Variants in CDH12 observed in about 807,000 individuals in gnomAD.
CDH12 encodes the protein cadherin-12.
Under a neutral mutation model 74.1 loss-of-function variants are expected in CDH12, and 41 were observed. The observed-to-expected ratio is 0.55, with a 90% CI of 0.43 to 0.72. CDH12 has a LOEUF of 0.72. Ranked by LOEUF, CDH12 falls within the 30% of genes least tolerant of loss-of-function variation. The probability of loss-of-function intolerance (pLI) is 0.00; values close to 1 mark genes in which losing one functional copy is unlikely to be tolerated. For synonymous variants in CDH12, 399 were observed against 355.0 expected (o/e 1.12, Z -1.39); for missense variants, 945 against 977.2 (o/e 0.97, Z 0.44).
intron 1 of CDH12, among the ~76,000 whole-genome samples, chr5:22,737,424 C>CT (rs1473920385): frequency 2.6e-5 from 4 of 151,828 alleles, no homozygotes; most frequent in African/African-American, 7.3e-5. Context: ...TTCAGAAACA[C>CT]TTTTTTTAGC....
At chr5:21,752,378 A>G (rs1279447722) in intron 14 of CDH12, 142 bp from the exon 15 acceptor site, 1 of 671,424 alleles carries the variant, frequency 1.5e-6, no homozygotes, top group East Asian at 2.7e-5. Context: ...ACCATAATCA[A>G]TAGGATCATA....
At chr5:22,386,791 G>A (rs1742019192) in intron 3 of CDH12, among the ~76,000 whole-genome samples, 1 of 151,692 alleles carries the variant, frequency 6.6e-6, no homozygotes, top group South Asian at 2.1e-4. Flanking sequence ...ATGATGATAG[G>A]TTATATTTTA....
chr5:22,433,729 G>T (rs529634719), intron 2 of CDH12, among the ~76,000 whole-genome samples: 1 of 152,108 alleles, frequency 6.6e-6, no homozygotes, highest in Non-Finnish European at 1.5e-5. Flanking sequence ...AGAAAGCTCA[G>T]TACTTACAAG....
At chr5:21,880,647 CTT>C (rs1752279119) in intron 6 of CDH12, among the ~76,000 whole-genome samples, 1 of 119,804 alleles carries the variant, frequency 8.3e-6, no homozygotes, top group Non-Finnish European at 1.7e-5. Flanking sequence ...TTCTTTCTTT[CTT>C]TCTTTCTTTC....
intron 6 of CDH12, among the ~76,000 whole-genome samples, chr5:21,885,644 TC>T (rs1283767650): frequency 2.6e-5 from 4 of 152,188 alleles, no homozygotes; most frequent in African/African-American, 9.6e-5. Flanking sequence ...AAAAATATCT[TC>T]ATAGGACTTT....
chr5:22,611,062 A>C (rs1219283892), intron 1 of CDH12, among the ~76,000 whole-genome samples: 6 of 152,138 alleles, frequency 3.9e-5, no homozygotes, highest in Admixed American at 3.9e-4. Flanking sequence ...GCATATCATC[A>C]CTGGAATTTT....
chr5:22,102,662 C>T (rs1377078548), intron 4 of CDH12, among the ~76,000 whole-genome samples: 1 of 148,696 alleles, frequency 6.7e-6, no homozygotes, highest in East Asian at 2.0e-4. Context: ...ACTCCGTCTC[C>T]AATAAATAAA....
intron 1 of CDH12, among the ~76,000 whole-genome samples, chr5:22,539,242 T>G (rs772841183): frequency 3.6e-4 from 54 of 151,938 alleles, no homozygotes; most frequent in Non-Finnish European, 5.9e-4. Flanking sequence ...AATGGGTGAG[T>G]GAATAGAACA....
intron 4 of CDH12, among the ~76,000 whole-genome samples, chr5:22,104,034 C>CTGGTGAGG (rs1224873714): frequency 6.6e-6 from 1 of 152,090 alleles, no homozygotes; most frequent in East Asian, 1.9e-4. Flanking sequence ...GCAACAGTCT[C>CTGGTGAGG]TGGTGAGGCT....
chr5:22,494,278 T>C (rs1399926999), intron 2 of CDH12, among the ~76,000 whole-genome samples: 1 of 152,166 alleles, frequency 6.6e-6, no homozygotes, highest in Non-Finnish European at 1.5e-5. Context: ...CCCAAAGCTG[T>C]GCACATTAGG....
intron 5 of CDH12, among the ~76,000 whole-genome samples, chr5:22,012,624 G>GA (rs1415426330): frequency 2.0e-5 from 3 of 151,972 alleles, no homozygotes; most frequent in African/African-American, 7.2e-5. Flanking sequence ...AAGTGTGAAA[G>GA]ATGTTTTTTA....
At position 21,765,029 on chromosome 5, in the gene CDH12, T is replaced by A. The variant is rs748556846; in HGVS notation, c.1464A>T (p.Glu488Asp). ...NVLDVNEFPPEISVPYETAVC... is the reference protein window; with the variant it reads ...NVLDVNEFPPDISVPYETAVC... ...CGGCTGTCTCATATGGCACAGATATTTCTGGAGGAAATTCATTTACATCTA... is the reference window on the plus strand; with the variant it reads ...CGGCTGTCTCATATGGCACAGATATATCTGGAGGAAATTCATTTACATCTA... The change falls in exon 12 of 15, where the codon GAA becomes GAT. Residue 488 changes from glutamate to aspartate, a missense_variant. By Grantham distance (45) the Glu-to-Asp change is conservative (BLOSUM62 2). Around this residue, in one of 3 missense-constraint regions of CDH12, gnomAD observed 791 missense variants for 792.8 expected, o/e 1.00. Transcript: ENST00000382254. 1 of 1,612,916 alleles carries A rather than the reference T, an allele frequency of 6.2e-7. No homozygotes were observed. Among genetic ancestry groups the A allele is most frequent in the East Asian group, 2.2e-5 (1 of 44,808 alleles).
intron 1 of CDH12, among the ~76,000 whole-genome samples, chr5:22,820,564 C>T (rs1365988274): frequency 6.6e-6 from 1 of 152,100 alleles, no homozygotes; most frequent in South Asian, 2.1e-4. Context: ...CACCACCGAT[C>T]CCACAGAAAT....
At chr5:22,374,163 A>C (rs1741419698) in intron 3 of CDH12, among the ~76,000 whole-genome samples, 1 of 152,198 alleles carries the variant, frequency 6.6e-6, no homozygotes, top group Non-Finnish European at 1.5e-5. Context: ...ACAATATACA[A>C]ATCAATAAAT....
In CDH12 at chr5:22,428,882, G is replaced by A. The variant is rs531409131; in HGVS notation, c.-427-23531C>T. On this transcript the variant is annotated intron_variant, in intron 2 of 14. Coordinates refer to ENST00000382254, the MANE Select transcript of CDH12 (RefSeq NM_004061.5). Reference sequence around the variant, plus strand: ...CTTTAGGGATATGTTGATGATTCCCGATGACCTCAAATCAAAGTCATATGA... The same window carrying A: ...CTTTAGGGATATGTTGATGATTCCCAATGACCTCAAATCAAAGTCATATGA... Among the ~76,000 whole-genome samples, 10 of 152,172 alleles carry A rather than the reference G, an allele frequency of 6.6e-5. No homozygotes were observed. The South Asian group carries it at 1.9e-3, about 28-fold the overall frequency.
intron 1 of CDH12, among the ~76,000 whole-genome samples, chr5:22,525,856 G>C (rs1237343378): frequency 6.6e-6 from 1 of 152,146 alleles, no homozygotes; most frequent in African/African-American, 2.4e-5. Context: ...TCAAGAACAG[G>C]TTCCCTCCAG....
At position 22,705,130 on chromosome 5, in the gene CDH12, T is replaced by TATATACACACAC. The variant is rs752782183; in HGVS notation, c.-523+147927_-523+147928insGTGTGTGTATAT. Among the ~76,000 whole-genome samples, 643 of 125,612 alleles carry TATATACACACAC rather than the reference T, an allele frequency of 5.1e-3. 8 individuals carry two copies. The highest frequency in any genetic ancestry group is 0.018 in the East Asian group (75 of 4,254). The allele number at this position is 125,612 out of a possible 152,430, so 82.4% of individuals were successfully genotyped here. A position where few individuals can be genotyped will look rare whatever the true frequency, so the allele number is the denominator to read the frequency against. ...CCCCACCCAGTCATATATATATATATACACACACACACACACACACACACA... is the reference window on the plus strand; with the variant it reads ...CCCCACCCAGTCATATATATATATATATATACACACACACACACACACACACACACACACACA... On this transcript the variant is annotated intron_variant, in intron 1 of 14. Coordinates refer to ENST00000382254, the MANE Select transcript of CDH12 (RefSeq NM_004061.5).
At chr5:22,412,864 A>G (rs1743219619) in intron 2 of CDH12, among the ~76,000 whole-genome samples, 1 of 151,760 alleles carries the variant, frequency 6.6e-6, no homozygotes, top group South Asian at 2.1e-4. Context: ...CTCCATCTGT[A>G]ATTCATAGTC....
intron 1 of CDH12, among the ~76,000 whole-genome samples, chr5:22,681,226 GGGGTGTGTGTGTGT>G (rs1261127189): frequency 7.8e-5 from 3 of 38,306 alleles, no homozygotes; most frequent in African/African-American, 3.8e-4. Context: ...TGGGTATTGG[GGGGTGTGTGTGTGT>G]GTGTGTGTGT....
Sources: allele counts gnomAD v4.1 joint callset (sites outside exome capture counted in the v4.1 genomes callset), GRCh38; gene constraint gnomAD v4.1.1; regional missense constraint gnomAD v4.1.1; transcripts MANE v1.5; gene names NCBI Gene and HGNC (gene_info 2026-07-23, HGNC 2026-07-21).